Variants in RGPD3 observed in about 807,000 individuals in gnomAD.
RGPD3 encodes the protein RANBP2 like and GRIP domain containing 3, also known as ranBP2-like and GRIP domain-containing protein 3.
In RGPD3, 62 loss-of-function variants were observed where a neutral mutation model predicts 154.5. The ratio of observed to expected loss-of-function variants is 0.40; its 90% CI spans 0.33 to 0.50. The LOEUF is 0.50. RGPD3 is among the 20% of genes least tolerant of loss of function. The pLI, the probability that RGPD3 is intolerant of heterozygous loss-of-function variation, is 0.59. For missense variants in RGPD3, 919 were observed against 1,716.8 expected (o/e 0.54, Z 8.21); for synonymous variants, 308 against 607.0 (o/e 0.51, Z 7.24).
chr2:106,409,870 A>AC (rs1676617166), intron 22 of RGPD3, among the ~76,000 whole-genome samples: 1 of 89,238 alleles, frequency 1.1e-5, no homozygotes, highest in African/African-American at 4.6e-5. Context: ...CTTGTAGTTT[A>AC]CTTTTTTTTT....
At chr2:106,466,209 C>T (rs1020132149) in intron 1 of RGPD3, among the ~76,000 whole-genome samples, 1 of 151,856 alleles carries the variant, frequency 6.6e-6, no homozygotes, top group African/African-American at 2.4e-5. Flanking sequence ...CCGGCGCCAA[C>T]GGTCTCCCGC....
intron 9 of RGPD3, among the ~76,000 whole-genome samples, chr2:106,437,321 G>GTGGTCTCCAGGAGTTCGAGA (rs1677586615): frequency 8.1e-6 from 1 of 123,584 alleles, no homozygotes; most frequent in African/African-American, 3.2e-5. Flanking sequence ...GACCAGCCTG[G>GTGGTCTCCAGGAGTTCGAGA]CCAGCATGGT....
Position 106,424,722 on chromosome 2 carries a change from A to G in RGPD3, c.3245T>C (p.Leu1082Ser), listed in dbSNP as rs2104459264. 2 of 1,611,952 alleles carry G rather than the reference A, an allele frequency of 1.2e-6. No homozygotes were observed. Among genetic ancestry groups the G allele is most frequent in the East Asian group, 2.2e-5 (1 of 44,878 alleles). Residue 1082 changes from leucine to serine, a missense_variant, in exon 20 of 23, where the codon TTG becomes TCG. Transcript: ENST00000409886. ...AEVSQWKERG[L>S]GNLKILKNEV... The stretch of plus-strand genomic sequence containing the variant: ...GTTTTTGAGAATTTTTAAGTTCCCC[A>G]AGCCCCTTTCTTTCCACTGACTTAC...
intron 1 of RGPD3, among the ~76,000 whole-genome samples, chr2:106,466,433 G>T (rs1678595138): frequency 7.8e-6 from 1 of 128,128 alleles, no homozygotes; most frequent in Non-Finnish European, 1.7e-5. Context: ...GAGCCATGAC[G>T]CCTGAGCCAT....
intron 21 of RGPD3, among the ~76,000 whole-genome samples, chr2:106,413,861 T>A (rs1247494075): frequency 6.6e-6 from 1 of 152,128 alleles, no homozygotes; most frequent in African/African-American, 2.4e-5. Flanking sequence ...AACGTCTCCA[T>A]GAGGAGCAAC....
chr2:106,445,008 A>G (rs1366860805), intron 7 of RGPD3, among the ~76,000 whole-genome samples: 5 of 136,166 alleles, frequency 3.7e-5, no homozygotes, highest in African/African-American at 8.5e-5. Context: ...TAAAAATAAG[A>G]ACTATTGGCA....
At chr2:106,455,379 C>A (rs1678217563) in intron 4 of RGPD3, among the ~76,000 whole-genome samples, 1 of 123,992 alleles carries the variant, frequency 8.1e-6, no homozygotes, top group South Asian at 3.1e-4. Flanking sequence ...CTGGGGTGGG[C>A]AGATCACATG....
In RGPD3 at chr2:106,434,209, A is replaced by G. The variant is rs759599331; in HGVS notation, c.2205+19T>C. On this transcript the variant is annotated intron_variant, in intron 15 of 22. Transcript: ENST00000409886. ...GTGGGTTATCAGTAAGAACGTACAT[A>G]CAACAACCTGCTACTTACTTTCTTG... 4 of 1,588,116 alleles carry G rather than the reference A, an allele frequency of 2.5e-6. No homozygotes were observed. Among genetic ancestry groups the G allele is most frequent in the Non-Finnish European group, 3.4e-6 (4 of 1,165,724 alleles).
chr2:106,463,306 C>G (rs1678458904), intron 1 of RGPD3, among the ~76,000 whole-genome samples: 1 of 152,182 alleles, frequency 6.6e-6, no homozygotes, highest in South Asian at 2.1e-4. Flanking sequence ...GAAATCCCAT[C>G]TCTACTAAAA....
chr2:106,421,632 T>C (rs1053631955), intron 20 of RGPD3, among the ~76,000 whole-genome samples: 1 of 152,064 alleles, frequency 6.6e-6, no homozygotes, highest in Non-Finnish European at 1.5e-5. Flanking sequence ...ATATATAATA[T>C]GCAAGCTGTA....
In RGPD3 at chr2:106,468,308, C is replaced by G. The variant is rs539109815; in HGVS notation, c.-20G>C. ...ACTCATCGCGCCACCAACCTGGCTC[C>G]CGAGATGCGTGAGACCAGCGCTCAG... On this transcript the variant is annotated 5_prime_UTR_variant, in exon 1 of 23. Coordinates refer to ENST00000409886, the MANE Select transcript of RGPD3 (RefSeq NM_001144013.2). 4.8e-4 allele frequency: 763 copies of G among 1,598,188 alleles called. 6 individuals carry two copies. In the East Asian group the frequency reaches 0.016, roughly 34 times the overall value.
chr2:106,405,142 A>G lies in RGPD3; in HGVS notation c.*77T>C, dbSNP rs1676467137. The G allele has an allele frequency of 1.9e-6, 3 of 1,594,422 alleles. No homozygotes were observed. Among genetic ancestry groups the G allele is most frequent in the Middle Eastern group, 1.7e-4 (1 of 5,934 alleles). ...AATAGATTTTATTTGGTTAATAAAA[A>G]CATTCCTTCCATCAACCTATCGAAG... On this transcript the variant is annotated 3_prime_UTR_variant, in exon 23 of 23. Transcript: ENST00000409886.
In RGPD3 at chr2:106,415,984, G is replaced by T. The variant is rs1472465648; in HGVS notation, c.4930C>A (p.Pro1644Thr). The T allele has an allele frequency of 6.2e-7, 1 of 1,611,556 alleles. No individual in the cohort carries two copies. The highest frequency in any genetic ancestry group is 1.7e-5 in the Admixed American group (1 of 59,952). Residue 1644 changes from proline to threonine, a missense_variant, in exon 21 of 23, where the codon CCA becomes ACA. By Grantham distance (38) the Pro-to-Thr change is conservative (BLOSUM62 -1). Coordinates refer to ENST00000409886, the MANE Select transcript of RGPD3 (RefSeq NM_001144013.2). ...TTAGTAAATTCAGCATACCATAATGGAGGCTCTGCAACATGTTGTTCCAAG... is the reference window on the plus strand; with the variant it reads ...TTAGTAAATTCAGCATACCATAATGTAGGCTCTGCAACATGTTGTTCCAAG... Reference protein sequence around the residue: ...YTFKTPEKEPPLWYAEFTKEE... With the variant: ...YTFKTPEKEPTLWYAEFTKEE...
At chr2:106,420,732 T>G (rs542279857) in intron 20 of RGPD3, among the ~76,000 whole-genome samples, 467 of 152,400 alleles carry the variant, frequency 3.1e-3, no homozygotes, top group African/African-American at 0.011. Flanking sequence ...CCTTTTTAAC[T>G]GTTTCTTTTT....
chr2:106,462,421 G>A (rs1332331604), intron 1 of RGPD3, among the ~76,000 whole-genome samples: 1 of 150,454 alleles, frequency 6.6e-6, no homozygotes, highest in Non-Finnish European at 1.5e-5. Context: ...AGCTAGGAAG[G>A]AGCACAGCCC....
intron 7 of RGPD3, among the ~76,000 whole-genome samples, chr2:106,443,722 G>C (rs1573281413): frequency 9.8e-6 from 1 of 101,986 alleles, no homozygotes; most frequent in Admixed American, 1.1e-4. Flanking sequence ...GTCTCGCTCT[G>C]TTGCCAGGCT....
At chr2:106,445,182 G>A (rs1324220292) in intron 7 of RGPD3, among the ~76,000 whole-genome samples, 7 of 133,712 alleles carry the variant, frequency 5.2e-5, no homozygotes, top group Admixed American at 2.3e-4. Flanking sequence ...CCAGCTACTC[G>A]GGAGGCTGAG....
chr2:106,465,621 C>G (rs922417516), intron 1 of RGPD3, among the ~76,000 whole-genome samples: 2 of 150,646 alleles, frequency 1.3e-5, no homozygotes, highest in African/African-American at 4.9e-5. Flanking sequence ...TGGCTCACAC[C>G]TGTAATCTCA....
chr2:106,415,897 G>A lies in RGPD3; in HGVS notation c.5017C>T (p.Leu1673Phe). 1.2e-6 allele frequency: 2 copies of A among 1,611,858 alleles called. No individual in the cohort carries two copies. Among genetic ancestry groups the A allele is most frequent in the Non-Finnish European group, 8.5e-7 (1 of 1,179,838 alleles). ...TKSADHLNGLLREIEATNAVL... is the reference protein window; with the variant it reads ...TKSADHLNGLFREIEATNAVL... Reference sequence around the variant, plus strand: ...GCATTGGTTGCCTCTATTTCCCGAAGCAGGCCGTTTAAGTGATCTGCACTT... The same window carrying A: ...GCATTGGTTGCCTCTATTTCCCGAAACAGGCCGTTTAAGTGATCTGCACTT... The change falls in exon 21 of 23, where the codon CTT becomes TTT. Residue 1673 changes from leucine (L) to phenylalanine (F), a missense_variant. Physicochemically the swap from Leu to Phe is conservative, Grantham distance 22. Coordinates refer to ENST00000409886, the MANE Select transcript of RGPD3 (RefSeq NM_001144013.2).
Sources: gnomAD v4.1 joint callset for allele counts (sites outside exome capture counted in the v4.1 genomes callset) on GRCh38, gnomAD v4.1.1 for gene constraint, MANE v1.5 for transcripts, NCBI Gene and HGNC (gene_info 2026-07-23, HGNC 2026-07-21) for gene names.